SRGAP2: variants seen among roughly 807,000 people sequenced by gnomAD.
SRGAP2 encodes SLIT-ROBO Rho GTPase activating protein 2.
SRGAP2 carries 15 observed loss-of-function variants against 57.2 expected under a neutral mutation model. The observed-to-expected ratio is 0.26, with a 90% confidence interval of 0.18 to 0.40. The LOEUF is 0.40. Ranked by LOEUF, SRGAP2 falls within the 10% of genes least tolerant of loss-of-function variation. SRGAP2 has a pLI of 1.00. For missense variants in SRGAP2, 520 were observed against 669.6 expected (o/e 0.78, Z 2.47); for synonymous variants, 249 against 248.0 (o/e 1.00, Z -0.04).
At chr1:206,350,963 C>T (rs1675999319) in intron 4 of SRGAP2, among the ~76,000 whole-genome samples, 1 of 151,544 alleles carries the variant, frequency 6.6e-6, no homozygotes, top group African/African-American at 2.4e-5. Context: ...AGAGAATTGC[C>T]ACAACAGTCA....
chr1:206,253,573 C>CTTTTTTTTTTTTTTT (rs71264673), intron 2 of SRGAP2, among the ~76,000 whole-genome samples: 12 of 101,664 alleles, frequency 1.2e-4, no homozygotes, highest in Non-Finnish European at 1.5e-4. Context: ...TTCTTTCTTT[C>CTTTTTTTTTTTTTTT]TTTTTTTTTT....
chr1:206,452,927 G>A (rs1443505127), intron 19 of SRGAP2, among the ~76,000 whole-genome samples: 1 of 149,194 alleles, frequency 6.7e-6, no homozygotes, highest in Non-Finnish European at 1.5e-5. Flanking sequence ...CTTGAGTTGT[G>A]TTTTGATGTG....
At chr1:206,358,298 G>A (rs1415371375) in intron 4 of SRGAP2, among the ~76,000 whole-genome samples, 1 of 148,352 alleles carries the variant, frequency 6.7e-6, no homozygotes, top group Admixed American at 6.7e-5. Context: ...GCAAAGTTAT[G>A]TTATGGTCAG....
At chr1:206,425,971 C>T (rs189320704) in intron 13 of SRGAP2, among the ~76,000 whole-genome samples, 8 of 152,056 alleles carry the variant, frequency 5.3e-5, no homozygotes, top group Non-Finnish European at 7.4e-5. Context: ...CTCAGCCTCC[C>T]GAGTAGCTGG....
intron 18 of SRGAP2, among the ~76,000 whole-genome samples, chr1:206,449,131 A>G (rs986052911): frequency 2.1e-4 from 32 of 152,148 alleles, no homozygotes; most frequent in Non-Finnish European, 4.4e-5. Flanking sequence ...CCAGAGGAAG[A>G]ACTTTAGAAA....
intron 15 of SRGAP2, chr1:206,437,600 G>C (rs575731002): frequency 4.4e-5 from 9 of 204,338 alleles, no homozygotes; most frequent in South Asian, 1.2e-4. Flanking sequence ...AGTCTCAGGA[G>C]CTGGCCTCCT....
chr1:206,433,635 C>CA lies in SRGAP2; in HGVS notation c.1556-3316dup, dbSNP rs71568100. 4.9e-3 allele frequency among the ~76,000 whole-genome samples: 555 copies of CA among 113,840 alleles called. 1 individual carries two copies. Among genetic ancestry groups the CA allele is most frequent in the African/African-American group, 0.014 (446 of 31,568 alleles). 74.7% of individuals were successfully genotyped at this position (113,840 alleles called of 152,430 possible). On this transcript the variant is annotated intron_variant, in intron 14 of 22. Transcript: ENST00000573034. ...TGAGTGATAGGGTGAGACCCTGTCTCAAAAAAAAAAAAAAGATAAATAAAT... is the reference window on the plus strand; with the variant it reads ...TGAGTGATAGGGTGAGACCCTGTCTCAAAAAAAAAAAAAAAGATAAATAAAT...
Position 206,452,885 on chromosome 1 carries a change from C to CAAA in SRGAP2, c.2180-293_2180-291dup, listed in dbSNP as rs1166978056. Among the ~76,000 whole-genome samples, 398 of 61,896 alleles carry CAAA rather than the reference C, an allele frequency of 6.4e-3. 3 individuals carry two copies. Among genetic ancestry groups the CAAA allele is most frequent in the African/African-American group, 0.025 (350 of 13,744 alleles). The allele number at this position is 61,896 out of a possible 152,430, so 40.6% of individuals were successfully genotyped here. On this transcript the variant is annotated intron_variant, in intron 19 of 22. Transcript: ENST00000573034. ...TGAGCGACAGAGTAAGACTCCATCC[C>CAAA]AAAAAAAAAAAAAAAAAAAAAAAAT...
intron 2 of SRGAP2, among the ~76,000 whole-genome samples, chr1:206,223,047 T>A (rs1202888282): frequency 6.6e-6 from 1 of 151,810 alleles, no homozygotes; most frequent in Admixed American, 6.6e-5. Flanking sequence ...GTGCTGGGAT[T>A]ACAGGCGTGA....
chr1:206,460,959 G>T (rs112701876), intron 22 of SRGAP2, 78 bp from the exon 23 acceptor site: 1 of 647,682 alleles, frequency 1.5e-6, no homozygotes, highest in African/African-American at 1.8e-5. Context: ...TTCATGCCTT[G>T]GCCTGTGTTG....
At chr1:206,371,147 T>TA (rs1654513579) in intron 4 of SRGAP2, among the ~76,000 whole-genome samples, 2 of 132,530 alleles carry the variant, frequency 1.5e-5, no homozygotes, top group African/African-American at 2.9e-5. Flanking sequence ...CAGCTAGAGG[T>TA]AAAAAAGACG....
intron 13 of SRGAP2, among the ~76,000 whole-genome samples, chr1:206,426,806 C>G (rs1660838557): frequency 6.6e-6 from 1 of 152,098 alleles, no homozygotes; most frequent in Non-Finnish European, 1.5e-5. Flanking sequence ...ATTTTTTAAT[C>G]AGATAGTTTG....
At position 206,238,825 on chromosome 1, in the gene SRGAP2, A is replaced by G. The variant is rs1668038015; in HGVS notation, c.67+32788A>G. Among the ~76,000 whole-genome samples the G allele has an allele frequency of 4.0e-5, 6 of 151,358 alleles. No homozygotes were observed. The South Asian group carries it at 1.3e-3, about 32-fold the overall frequency. ...TGTGGGACATTAGACCCTGCCTGTC[A>G]CTTTTCTTCCCAGGCCACTCACTTG... is the stretch of plus-strand genomic sequence containing the variant. On this transcript the variant is annotated intron_variant, in intron 2 of 22. Coordinates refer to ENST00000573034, the MANE Select transcript of SRGAP2 (RefSeq NM_015326.5).
intron 10 of SRGAP2, among the ~76,000 whole-genome samples, chr1:206,410,171 C>G (rs1486930919): frequency 1.3e-5 from 2 of 152,212 alleles, no homozygotes; most frequent in Admixed American, 6.5e-5. Context: ...ACCCACCACT[C>G]TGGTTACAGG....
chr1:206,269,215 C>T, intron 2 of SRGAP2, among the ~76,000 whole-genome samples: 1 of 144,870 alleles, frequency 6.9e-6, no homozygotes. Context: ...AGGCATGAAA[C>T]AAGAGTGCAT....
chr1:206,337,096 A>T (rs1441907117), intron 3 of SRGAP2, among the ~76,000 whole-genome samples: 1 of 146,186 alleles, frequency 6.8e-6, no homozygotes, highest in Non-Finnish European at 1.5e-5. Flanking sequence ...ATTCTGAGAC[A>T]GGGGATGGGA....
At chr1:206,449,655 T>C (rs1359385172) in intron 18 of SRGAP2, among the ~76,000 whole-genome samples, 1 of 152,054 alleles carries the variant, frequency 6.6e-6, no homozygotes, top group Non-Finnish European at 1.5e-5. Flanking sequence ...CAACCCGTAA[T>C]TGGATCCTGC....
chr1:206,427,309 CAA>C (rs1376575833), intron 13 of SRGAP2, among the ~76,000 whole-genome samples: 2 of 152,136 alleles, frequency 1.3e-5, no homozygotes, highest in African/African-American at 2.4e-5. Flanking sequence ...GAAGAGAAGA[CAA>C]AGATTCTTCC....
At chr1:206,459,053 A>G (rs965042708) in intron 22 of SRGAP2, 106 bp downstream of exon 22, 1 of 631,718 alleles carries the variant, frequency 1.6e-6, no homozygotes, top group Non-Finnish European at 2.9e-6. Flanking sequence ...ATTATTTTGT[A>G]TGTGATATAC....
Sources: gnomAD v4.1 joint callset for allele counts (sites outside exome capture counted in the v4.1 genomes callset) on GRCh38, gnomAD v4.1.1 for gene constraint, MANE v1.5 for transcripts, NCBI Gene and HGNC (gene_info 2026-07-23, HGNC 2026-07-21) for gene names.